WDR70: variants seen among roughly 807,000 people sequenced by gnomAD.
WDR70 encodes WD repeat-containing protein 70.
Under a neutral mutation model 88.6 loss-of-function variants are expected in WDR70, and 53 were observed. The observed-to-expected ratio is 0.60, with a 90% confidence interval of 0.48 to 0.75. WDR70 has a LOEUF of 0.75. Among genes scored for constraint, WDR70 ranks in the 30% least tolerant of loss-of-function variants. The pLI is 0.00. For missense variants in WDR70, 610 were observed against 823.2 expected (o/e 0.74, Z 3.17); for synonymous variants, 280 against 270.0 (o/e 1.04, Z -0.36).
At chr5:37,450,134 A>G (rs1738630212) in intron 7 of WDR70, among the ~76,000 whole-genome samples, 1 of 152,062 alleles carries the variant, frequency 6.6e-6, no homozygotes, top group Admixed American at 6.6e-5. Context: ...CATTTTCTTT[A>G]TCCAGTCTAT....
intron 14 of WDR70, 39 bp downstream of exon 14, chr5:37,721,254 C>A: frequency 6.4e-7 from 1 of 1,566,554 alleles, no homozygotes; most frequent in Non-Finnish European, 8.8e-7. Context: ...TGGATGACAA[C>A]AACTGGGGGG....
Position 37,412,205 on chromosome 5 carries a change from G to A in WDR70, c.492+15635G>A, listed in dbSNP as rs553302204. On this transcript the variant is annotated intron_variant, in intron 5 of 17. Transcript: ENST00000265107. ...AGTTCGAGACCAGCCTGGCCAACAT[G>A]GTGAAACTCTGTCTCTACTAAAAAT... 3.9e-5 allele frequency among the ~76,000 whole-genome samples: 6 copies of A among 152,060 alleles called. No individual in the cohort carries two copies. In the South Asian group the frequency reaches 1.0e-3, roughly 26 times the overall value.
chr5:37,556,773 G>GGAA (rs1211914717), intron 9 of WDR70, among the ~76,000 whole-genome samples: 1 of 152,190 alleles, frequency 6.6e-6, no homozygotes, highest in African/African-American at 2.4e-5. Flanking sequence ...TTTAAACATA[G>GGAA]GAATGTCATG....
chr5:37,514,356 A>ATATATATATATATG (rs771375976), intron 8 of WDR70, among the ~76,000 whole-genome samples: 22 of 54,418 alleles, frequency 4.0e-4, no homozygotes, highest in Non-Finnish European at 7.4e-4. Context: ...ATATATATAT[A>ATATATATATATATG]TATGTATGTA....
At chr5:37,416,222 C>T (rs4499858) in intron 5 of WDR70, among the ~76,000 whole-genome samples, 20,329 of 152,110 alleles carry the variant, frequency 0.13, 4,452 homozygotes, top group African/African-American at 0.46. Flanking sequence ...CTGGGCACCA[C>T]TGAGCACTGA....
intron 17 of WDR70, among the ~76,000 whole-genome samples, chr5:37,727,791 G>C (rs1323846108): frequency 6.6e-6 from 1 of 152,004 alleles, no homozygotes; most frequent in Non-Finnish European, 1.5e-5. Context: ...GCCCAGGCTG[G>C]TCTTGAACTT....
intron 9 of WDR70, among the ~76,000 whole-genome samples, chr5:37,572,520 C>T (rs1742937329): frequency 6.6e-6 from 1 of 152,032 alleles, no homozygotes; most frequent in Non-Finnish European, 1.5e-5. Context: ...GAAGTCAGGG[C>T]CTTCAGTGTA....
chr5:37,630,914 C>T (rs961286366), intron 10 of WDR70, among the ~76,000 whole-genome samples: 11 of 152,116 alleles, frequency 7.2e-5, no homozygotes, highest in Admixed American at 2.0e-4. Flanking sequence ...GAATTCCTGG[C>T]ATTTCTCCAG....
chr5:37,719,349 A>AC (rs540373790), intron 13 of WDR70, among the ~76,000 whole-genome samples: 2,569 of 129,100 alleles, frequency 0.02, 18 homozygotes, highest in African/African-American at 0.033. Flanking sequence ...AGCAACAACA[A>AC]CCCCCCCCCC....
At chr5:37,478,266 C>T (rs562027081) in intron 7 of WDR70, among the ~76,000 whole-genome samples, 2 of 152,294 alleles carry the variant, frequency 1.3e-5, no homozygotes, top group South Asian at 4.1e-4. Flanking sequence ...TCACAAATGC[C>T]TGAAATATTG....
At chr5:37,671,690 T>C (rs1019935798) in intron 10 of WDR70, among the ~76,000 whole-genome samples, 9 of 152,232 alleles carry the variant, frequency 5.9e-5, no homozygotes, top group Non-Finnish European at 1.0e-4. Context: ...GTCTTTCTCC[T>C]GCATTGATAG....
rs1172047820 is a variant in WDR70, at chr5:37,712,285, C to T, written c.1417-8830C>T. On this transcript the variant is annotated intron_variant, in intron 13 of 17. Coordinates refer to ENST00000265107, the MANE Select transcript of WDR70 (RefSeq NM_018034.4). Reference sequence around the variant, plus strand: ...GGATTACAGGCGAGAGCCACCGCACCCGGCCACATTTTCTTTTAGGATTGA... The same window carrying T: ...GGATTACAGGCGAGAGCCACCGCACTCGGCCACATTTTCTTTTAGGATTGA... Among the ~76,000 whole-genome samples, 5 of 152,120 alleles carry T rather than the reference C, an allele frequency of 3.3e-5. No individual in the cohort carries two copies. The East Asian group carries it at 9.6e-4, about 29-fold the overall frequency.
chr5:37,698,913 G>A (rs1225173417), intron 11 of WDR70, among the ~76,000 whole-genome samples: 1 of 152,158 alleles, frequency 6.6e-6, no homozygotes, highest in Non-Finnish European at 1.5e-5. Flanking sequence ...CATGGCAAAT[G>A]TGGATATGTA....
intron 7 of WDR70, among the ~76,000 whole-genome samples, chr5:37,452,810 A>C (rs1738715446): frequency 6.6e-6 from 1 of 152,222 alleles, no homozygotes; most frequent in Non-Finnish European, 1.5e-5. Flanking sequence ...GAGATCCAAG[A>C]GGCAGCATCA....
At position 37,437,413 on chromosome 5, in the gene WDR70, C is replaced by G. The variant is rs116426637; in HGVS notation, c.493-509C>G. On this transcript the variant is annotated intron_variant, in intron 5 of 17. Transcript: ENST00000265107. ...TAAAAAATTTTTGATGTTGAAAGGACCTTGTTGGTTATTTTTTAGGAAAAT... is the reference window on the plus strand; with the variant it reads ...TAAAAAATTTTTGATGTTGAAAGGAGCTTGTTGGTTATTTTTTAGGAAAAT... 5.7e-3 allele frequency among the ~76,000 whole-genome samples: 870 copies of G among 152,078 alleles called. 2 individuals are homozygous for G. Among genetic ancestry groups the G allele is most frequent in the Non-Finnish European group, 8.9e-3 (603 of 67,956 alleles).
At chr5:37,594,456 A>T (rs1457531881) in intron 9 of WDR70, among the ~76,000 whole-genome samples, 2 of 151,970 alleles carry the variant, frequency 1.3e-5, no homozygotes, top group Non-Finnish European at 2.9e-5. Context: ...ATGGTTGTAG[A>T]TGTGTGGTGT....
intron 9 of WDR70, among the ~76,000 whole-genome samples, chr5:37,592,900 A>G (rs1252695506): frequency 6.6e-6 from 1 of 152,230 alleles, no homozygotes; most frequent in African/African-American, 2.4e-5. Flanking sequence ...TGCCCCTGTA[A>G]TTCCAGTGCT....
In WDR70 at chr5:37,723,034, G is replaced by A. The variant is rs1283275781; in HGVS notation, c.1597+100G>A. 8 of 1,444,044 alleles carry A rather than the reference G, an allele frequency of 5.5e-6. No homozygotes were observed. The African/African-American group carries it at 8.4e-5, about 15-fold the overall frequency. 89.5% of individuals were successfully genotyped at this position (1,444,044 alleles called of 1,614,324 possible). ...GACAGAGAAAGCCCTCAGAATTCAG[G>A]CATATATTACAAAATTGCCCATTCA... On this transcript the variant is annotated intron_variant, in intron 15 of 17. Transcript: ENST00000265107.
Position 37,683,318 on chromosome 5 carries a change from G to GTTTACATTCAAGGTTAGTA in WDR70, c.1093-14324_1093-14306dup, listed in dbSNP as rs535936780. On this transcript the variant is annotated intron_variant, in intron 10 of 17. Coordinates refer to ENST00000265107, the MANE Select transcript of WDR70 (RefSeq NM_018034.4). ...GCCTTTTAATTGGGGCATTTTGCCT[G>GTTTACATTCAAGGTTAGTA]TTTACATTCAAGGTTAGTATTTACA... Among the ~76,000 whole-genome samples, 4 of 152,216 alleles carry GTTTACATTCAAGGTTAGTA rather than the reference G, an allele frequency of 2.6e-5. No individual in the cohort carries two copies. The South Asian group carries it at 8.3e-4, about 32-fold the overall frequency.
Sources: allele counts gnomAD v4.1 joint callset (sites outside exome capture counted in the v4.1 genomes callset), GRCh38; gene constraint gnomAD v4.1.1; transcripts MANE v1.5; gene names NCBI Gene and HGNC (gene_info 2026-07-23, HGNC 2026-07-21).